RNF41: variants seen among roughly 807,000 people sequenced by gnomAD.
The protein encoded by RNF41 is ring finger protein 41.
RNF41 carries 4 observed loss-of-function variants against 33.0 expected under a neutral mutation model. That is an observed-to-expected ratio of 0.12 (90% CI 0.06 to 0.28). The LOEUF (loss-of-function observed/expected upper bound fraction) is 0.28. Among genes scored for constraint, RNF41 ranks in the 10% least tolerant of loss-of-function variants. RNF41 has a pLI of 1.00. For missense variants in RNF41, 228 were observed against 432.6 expected (o/e 0.53, Z 4.19); for synonymous variants, 164 against 153.2 (o/e 1.07, Z -0.52).
intron 2 of RNF41, among the ~76,000 whole-genome samples, chr12:56,215,605 G>C (rs994144604): frequency 9.3e-5 from 14 of 151,246 alleles, no homozygotes; most frequent in Non-Finnish European, 1.5e-4. Flanking sequence ...TGTAGTCCCA[G>C]CTACTCGGGA....
intron 4 of RNF41, among the ~76,000 whole-genome samples, chr12:56,208,950 C>T (rs1381768469): frequency 6.9e-5 from 10 of 145,030 alleles, no homozygotes; most frequent in South Asian, 2.2e-4. Context: ...CTGCAACCTC[C>T]GCCTCATGGG....
chr12:56,215,762 T>C (rs1392524793), intron 2 of RNF41, among the ~76,000 whole-genome samples: 1 of 144,932 alleles, frequency 6.9e-6, no homozygotes, highest in African/African-American at 2.6e-5. Context: ...GAGCAAGGAC[T>C]CAAACAGCGG....
intron 1 of RNF41, among the ~76,000 whole-genome samples, chr12:56,220,437 G>A (rs1869293513): frequency 6.7e-6 from 1 of 150,068 alleles, no homozygotes; most frequent in Admixed American, 6.6e-5. Flanking sequence ...GGCTGGTCTC[G>A]AACTTTTGAG....
rs182405870 is a variant in RNF41 at position 56,215,550 on chromosome 12, C to T, written c.-24+879G>A. Among the ~76,000 whole-genome samples, 377 of 151,930 alleles carry T rather than the reference C, an allele frequency of 2.5e-3. 4 individuals carry two copies. The highest frequency in any genetic ancestry group is 8.8e-3 in the African/African-American group (364 of 41,422). ...CCTGGCCAACATGGCGAAACCCCGT[C>T]TCTACTAAAAATACAAAAATTAGCC... On this transcript the variant is annotated intron_variant, in intron 2 of 6. Transcript: ENST00000345093.
At chr12:56,212,560 A>G (rs2135807529) in intron 3 of RNF41, among the ~76,000 whole-genome samples, 1 of 152,228 alleles carries the variant, frequency 6.6e-6, no homozygotes, top group African/African-American at 2.4e-5. Context: ...AGGCCCTGCC[A>G]GGGTGAGGAG....
At chr12:56,209,353 G>A (rs561047178) in intron 4 of RNF41, among the ~76,000 whole-genome samples, 37 of 150,372 alleles carry the variant, frequency 2.5e-4, no homozygotes, top group Non-Finnish European at 3.0e-4. Flanking sequence ...GTGCAATGGC[G>A]CGATCTCAGC....
At chr12:56,207,201 C>T in intron 6 of RNF41, 3 of 1,329,144 alleles carry the variant, frequency 2.3e-6, no homozygotes, top group Non-Finnish European at 3.0e-6. Context: ...GACTCCAGAA[C>T]TGAAAGAGAT....
At chr12:56,207,826 G>A (rs1868302478) in intron 5 of RNF41, 77 bp from the exon 6 acceptor site, 1 of 1,138,230 alleles carries the variant, frequency 8.8e-7, no homozygotes, top group Admixed American at 1.7e-5. Flanking sequence ...CCAAGAATGA[G>A]GGCAACTGAG....
At chr12:56,210,702 A>G in intron 3 of RNF41, 134 bp from the exon 4 acceptor site, 3 of 819,904 alleles carry the variant, frequency 3.7e-6, no homozygotes, top group Non-Finnish European at 5.8e-6. Flanking sequence ...GGTCACAGCA[A>G]AGTATAGATC....
intron 2 of RNF41, among the ~76,000 whole-genome samples, chr12:56,215,428 A>C (rs567825083): frequency 6.6e-6 from 1 of 152,234 alleles, no homozygotes; most frequent in East Asian, 1.9e-4. Flanking sequence ...GGGATAAAGA[A>C]GAGAAGAGAG....
intron 3 of RNF41, among the ~76,000 whole-genome samples, chr12:56,211,280 G>A: frequency 6.6e-6 from 1 of 152,078 alleles, no homozygotes; most frequent in Non-Finnish European, 1.5e-5. Flanking sequence ...GGAGGTTGCA[G>A]TGAACCAAGA....
At chr12:56,217,354 C>T (rs949255004) in intron 1 of RNF41, among the ~76,000 whole-genome samples, 6 of 152,086 alleles carry the variant, frequency 3.9e-5, no homozygotes, top group African/African-American at 1.4e-4. Context: ...GGAGATGAGC[C>T]TGGCCAACAT....
chr12:56,207,179 TGAACTGTATAGGACTCCA>T (rs1212698567), intron 6 of RNF41: 63 of 1,326,950 alleles, frequency 4.7e-5, no homozygotes, highest in Non-Finnish European at 5.5e-5. Flanking sequence ...GTTTACTCTA[TGAACTGTATAGGACTCCA>T]GAACTGAAAG....
intron 1 of RNF41, among the ~76,000 whole-genome samples, chr12:56,218,336 T>C (rs796908541): frequency 7.2e-5 from 11 of 151,790 alleles, no homozygotes; most frequent in African/African-American, 2.2e-4. Context: ...CATAGCTCAC[T>C]ACAGCCTCGC....
chr12:56,218,994 G>A (rs1214283124), intron 1 of RNF41, among the ~76,000 whole-genome samples: 1 of 150,658 alleles, frequency 6.6e-6, no homozygotes, highest in Non-Finnish European at 1.5e-5. Flanking sequence ...GAGCCACCAT[G>A]CTTGGCCTAT....
At position 56,204,893 on chromosome 12, in the gene RNF41, C is replaced by T. The variant is rs1176416593; in HGVS notation, c.*1554G>A. On this transcript the variant is annotated 3_prime_UTR_variant, in exon 7 of 7. Transcript: ENST00000345093. The stretch of plus-strand genomic sequence containing the variant: ...CATTACATGGTGGGGAGGAGCCTTT[C>T]TATCTCCAACCACACTCCCACCTCC... 2 of 152,486 alleles carry T rather than the reference C, an allele frequency of 1.3e-5. No individual in the cohort carries two copies. Among genetic ancestry groups the T allele is most frequent in the Non-Finnish European group, 2.9e-5 (2 of 68,044 alleles). 9.4% of individuals were successfully genotyped at this position (152,486 alleles called of 1,614,324 possible). A position where few individuals can be genotyped will look rare whatever the true frequency, so the allele number is the denominator to read the frequency against.
Position 56,213,976 on chromosome 12 carries a change from G to A in RNF41, c.72C>T (p.Val24=). 6.2e-7 allele frequency: 1 copy of A among 1,613,456 alleles called. No individual in the cohort carries two copies. Among genetic ancestry groups the A allele is most frequent in the Non-Finnish European group, 8.5e-7 (1 of 1,179,498 alleles). ...EDLICPICSG[V]LEEPVQAPHC... Reference sequence around the variant, plus strand: ...AACTCACCTGTACTGGCTCCTCCAAGACTCCACTGCAAATAGGGCAGATAA... The same window carrying A: ...AACTCACCTGTACTGGCTCCTCCAAAACTCCACTGCAAATAGGGCAGATAA... The change falls in exon 3 of 7, where the codon GTC becomes GTT. Residue 24 remains valine (V), a synonymous_variant. Transcript: ENST00000345093.
intron 3 of RNF41, among the ~76,000 whole-genome samples, chr12:56,213,355 A>G (rs1371651414): frequency 6.6e-6 from 1 of 151,972 alleles, no homozygotes; most frequent in Non-Finnish European, 1.5e-5. Context: ...GTGTGCCACC[A>G]CGCCCAGCTA....
Position 56,206,193 on chromosome 12 carries a change from G to T in RNF41, c.*254C>A. The T allele has an allele frequency of 2.3e-6, 1 of 442,616 alleles. No homozygotes were observed. The highest frequency in any genetic ancestry group is 4.0e-6 in the Non-Finnish European group (1 of 248,794). 27.4% of individuals were successfully genotyped at this position (442,616 alleles called of 1,614,324 possible). A position where few individuals can be genotyped will look rare whatever the true frequency, so the allele number is the denominator to read the frequency against. On this transcript the variant is annotated 3_prime_UTR_variant, in exon 7 of 7. Coordinates refer to ENST00000345093, the MANE Select transcript of RNF41 (RefSeq NM_005785.4). This position sits in a 1 kb window ranked among gnomAD's most constrained non-coding sequence, Gnocchi z 5.7. Reference sequence around the variant, plus strand: ...GACCCTAAGCAGGAAAATGGATGGAGGTGGGGGCTTTCCCACCCAGACTGA... The same window carrying T: ...GACCCTAAGCAGGAAAATGGATGGATGTGGGGGCTTTCCCACCCAGACTGA...
Sources: gnomAD v4.1 joint callset for allele counts (sites outside exome capture counted in the v4.1 genomes callset) on GRCh38, gnomAD v4.1.1 for gene constraint, Gnocchi (gnomAD v3.1) non-coding constraint, MANE v1.5 for transcripts, NCBI Gene and HGNC (gene_info 2026-07-23, HGNC 2026-07-21) for gene names.